CCDC40: variants seen among roughly 807,000 people sequenced by gnomAD.
The protein encoded by CCDC40 is coiled-coil domain 40 molecular ruler complex subunit, also known as coiled-coil domain-containing protein 40.
CCDC40 carries 104 observed loss-of-function variants against 124.5 expected under a neutral mutation model. The observed-to-expected ratio is 0.84, with a 90% CI of 0.71 to 0.98. The LOEUF is 0.98. Among genes scored for constraint, CCDC40 ranks in the 50% least tolerant of loss-of-function variants. The probability of loss-of-function intolerance (pLI) is 0.00; values close to 1 mark genes in which losing one functional copy is unlikely to be tolerated. For synonymous variants in CCDC40, 580 were observed against 602.9 expected, an observed-to-expected ratio of 0.96 and a Z score of 0.56; for missense variants, 1,463 against 1,503.9, an observed-to-expected ratio of 0.97 and a Z score of 0.45.
intron 17 of CCDC40, among the ~76,000 whole-genome samples, chr17:80,091,906 C>T (rs907854191): frequency 6.6e-6 from 1 of 151,844 alleles, no homozygotes; most frequent in African/African-American, 2.4e-5. Flanking sequence ...GTACCTTCTT[C>T]TCAGTTCTGG....
intron 3 of CCDC40, among the ~76,000 whole-genome samples, chr17:80,045,356 C>A (rs1431800128): frequency 1.3e-5 from 2 of 152,130 alleles, no homozygotes; most frequent in African/African-American, 4.8e-5. Flanking sequence ...TACTAATATC[C>A]AAGAGTTCAT....
Position 80,036,674 on chromosome 17 carries a change from G to C in CCDC40, c.12G>C (p.Pro4=), listed in dbSNP as rs1419252985. ...CCTAGCAACGGGAAATGGCGGAACC[G>C]GGCGGCGCGGCGGGCCGGTAAGCCG... MAE[P]GGAAGRSHPE... The change falls in exon 1 of 20, where the codon CCG becomes CCC. Residue 4 remains proline (P), a synonymous_variant. Coordinates refer to ENST00000397545, the MANE Select transcript of CCDC40 (RefSeq NM_017950.4). The C allele has an allele frequency of 4.1e-6, 6 of 1,463,150 alleles. No individual in the cohort carries two copies. In the African/African-American group the frequency reaches 5.8e-5, roughly 14 times the overall value. The allele number at this position is 1,463,150 out of a possible 1,614,324, so 90.6% of individuals were successfully genotyped here.
intron 13 of CCDC40, 82 bp downstream of exon 13, chr17:80,085,070 C>G: frequency 6.5e-7 from 1 of 1,529,302 alleles, no homozygotes; most frequent in Middle Eastern, 2.2e-4. Flanking sequence ...CCCCCACGGT[C>G]AGACATGAAC....
Position 80,048,749 on chromosome 17 carries a change from G to A in CCDC40, c.843G>A (p.Leu281=), listed in dbSNP as rs775407849. The part of the protein sequence containing the change: ...AEDEGSQLVV[L]DPDHPLMVRF... ...ACGAAGGGTCCCAGCTGGTGGTTTTGGACCCAGACCACGTAAGGAAGCCTT... is the reference window on the plus strand; with the variant it reads ...ACGAAGGGTCCCAGCTGGTGGTTTTAGACCCAGACCACGTAAGGAAGCCTT... Residue 281 remains leucine, a synonymous_variant, in exon 5 of 20, where the codon TTG becomes TTA. Transcript: ENST00000397545. The A allele has an allele frequency of 6.2e-7, 1 of 1,611,246 alleles. No homozygotes were observed. The highest frequency in any genetic ancestry group is 8.5e-7 in the Non-Finnish European group (1 of 1,178,658).
At chr17:80,038,717 C>T (rs1009848502) in intron 2 of CCDC40, among the ~76,000 whole-genome samples, 4 of 151,118 alleles carry the variant, frequency 2.6e-5, no homozygotes, top group Admixed American at 6.6e-5. Context: ...CCCAGCTACT[C>T]GGGAGGCTGA....
In CCDC40 at chr17:80,087,954, C is replaced by T. The variant is rs749331083; in HGVS notation, c.2620-57C>T. 266 of 1,406,248 alleles carry T rather than the reference C, an allele frequency of 1.9e-4. 1 individual carries two copies. The highest frequency in any genetic ancestry group is 2.6e-4 in the Non-Finnish European group (255 of 991,800). The allele number at this position is 1,406,248 out of a possible 1,614,324, so 87.1% of individuals were successfully genotyped here. ...GTGCCGGGATAGAGGGCACCAGCCCCGGCATCCACAATCCCATGGCCCTCC... is the reference window on the plus strand; with the variant it reads ...GTGCCGGGATAGAGGGCACCAGCCCTGGCATCCACAATCCCATGGCCCTCC... On this transcript the variant is annotated intron_variant, in intron 15 of 19. Coordinates refer to ENST00000397545, the MANE Select transcript of CCDC40 (RefSeq NM_017950.4). The surrounding 1 kb of genome is among the most constrained non-coding windows in gnomAD (Gnocchi z 4.5).
At chr17:80,083,721 G>A (rs1308041143) in intron 12 of CCDC40, among the ~76,000 whole-genome samples, 1 of 152,210 alleles carries the variant, frequency 6.6e-6, no homozygotes, top group Non-Finnish European at 1.5e-5. Context: ...TTGCCAGAAG[G>A]GATCCAAAGT....
At chr17:80,042,937 T>C (rs115886815) in intron 3 of CCDC40, among the ~76,000 whole-genome samples, 2,267 of 152,240 alleles carry the variant, frequency 0.015, 54 homozygotes, top group African/African-American at 0.052. Flanking sequence ...AAGACTGTAT[T>C]TTCCTTTTTA....
intron 7 of CCDC40, among the ~76,000 whole-genome samples, chr17:80,057,767 T>G (rs2037787873): frequency 6.6e-6 from 1 of 151,728 alleles, no homozygotes; most frequent in Non-Finnish European, 1.5e-5. Context: ...TCCCAGCTAC[T>G]CGGGAGGCTG....
In CCDC40 at chr17:80,058,802, CA is replaced by C. The variant is rs1366411762; in HGVS notation, c.1318-55del. On this transcript the variant is annotated intron_variant, in intron 8 of 19. Coordinates refer to ENST00000397545, the MANE Select transcript of CCDC40 (RefSeq NM_017950.4). The surrounding 1 kb of genome is among the most constrained non-coding windows in gnomAD (Gnocchi z 4.2). ...ACTTGTATCAAGGGTTGGTGGAGAA[CA>C]GGCCCTCAGCCACGGGCACCTCCTG... 8.7e-6 allele frequency: 14 copies of C among 1,613,132 alleles called. No homozygotes were observed. The highest frequency in any genetic ancestry group is 1.2e-5 in the Non-Finnish European group (14 of 1,179,606).
chr17:80,036,768 C>G, intron 1 of CCDC40, 77 bp downstream of exon 1: 4 of 1,368,014 alleles, frequency 2.9e-6, no homozygotes, highest in Non-Finnish European at 3.9e-6. Context: ...GTGGCCCCCG[C>G]GTCGGCTCCT....
chr17:80,082,864 A>G (rs994247280), intron 12 of CCDC40, among the ~76,000 whole-genome samples: 1 of 152,200 alleles, frequency 6.6e-6, no homozygotes, highest in Non-Finnish European at 1.5e-5. Flanking sequence ...TCTTGGACCA[A>G]CACATTCGTC....
intron 18 of CCDC40, 64 bp downstream of exon 18, chr17:80,095,515 A>G: frequency 1.3e-6 from 2 of 1,526,974 alleles, no homozygotes; most frequent in Non-Finnish European, 1.8e-6. Context: ...GGAACACTCC[A>G]GGAAGGCGTC....
intron 10 of CCDC40, among the ~76,000 whole-genome samples, chr17:80,069,812 A>G (rs1568695919): frequency 6.8e-6 from 1 of 147,722 alleles, no homozygotes; most frequent in Non-Finnish European, 1.5e-5. Flanking sequence ...GAGAGAGAAA[A>G]AAAGAAAGAA....
At chr17:80,063,854 A>G (rs1189325483) in intron 9 of CCDC40, among the ~76,000 whole-genome samples, 1 of 152,198 alleles carries the variant, frequency 6.6e-6, no homozygotes, top group African/African-American at 2.4e-5. Flanking sequence ...AGGGTTTTGA[A>G]TGTTCCCAAC....
chr17:80,062,083 C>G (rs978137915), intron 9 of CCDC40, among the ~76,000 whole-genome samples: 3 of 152,128 alleles, frequency 2.0e-5, no homozygotes, highest in African/African-American at 7.2e-5. Context: ...GCACTCCAGC[C>G]TGGGTGACAG....
chr17:80,062,532 C>G lies in CCDC40; in HGVS notation c.1441-2953C>G, dbSNP rs981555706. 2.7e-5 allele frequency among the ~76,000 whole-genome samples: 4 copies of G among 149,742 alleles called. No individual in the cohort carries two copies. In the East Asian group the frequency reaches 8.0e-4, roughly 30 times the overall value. ...ATGTGTTCTCATTGTTCAATTCCCACCTATGAGTGAGAACATGCGGTGTTT... is the reference window on the plus strand; with the variant it reads ...ATGTGTTCTCATTGTTCAATTCCCAGCTATGAGTGAGAACATGCGGTGTTT... On this transcript the variant is annotated intron_variant, in intron 9 of 19. Transcript: ENST00000397545.
chr17:80,076,930 T>C (rs1220091127), intron 10 of CCDC40, among the ~76,000 whole-genome samples: 2 of 151,914 alleles, frequency 1.3e-5, no homozygotes, highest in Admixed American at 6.6e-5. Flanking sequence ...GAAATAGGGT[T>C]TCACCATGTT....
intron 17 of CCDC40, 67 bp from the exon 18 acceptor site, chr17:80,095,196 C>A (rs758018141): frequency 1.3e-6 from 2 of 1,488,038 alleles, no homozygotes; most frequent in African/African-American, 2.8e-5. Flanking sequence ...GCCAGCGCCC[C>A]GGCCACTCTC....
Sources: allele counts gnomAD v4.1 joint callset (sites outside exome capture counted in the v4.1 genomes callset), GRCh38; gene constraint gnomAD v4.1.1; non-coding constraint Gnocchi (gnomAD v3.1); transcripts MANE v1.5; gene names NCBI Gene and HGNC (gene_info 2026-07-23, HGNC 2026-07-21).